RNF150: variants seen among roughly 807,000 people sequenced by gnomAD.
RNF150 encodes the protein ring finger protein 150.
A neutral mutation model predicts 39.3 loss-of-function variants in RNF150; 24 were observed. The ratio of observed to expected loss-of-function variants is 0.61; its 90% CI spans 0.44 to 0.86. RNF150 has a LOEUF of 0.86. Among genes scored for constraint, RNF150 ranks in the 40% least tolerant of loss-of-function variants. The pLI, the probability that RNF150 is intolerant of heterozygous loss-of-function variation, is 0.00. For synonymous variants in RNF150, 255 were observed against 227.3 expected (o/e 1.12, Z -1.10); for missense variants, 502 against 587.8 (o/e 0.85, Z 1.51).
chr4:141,144,848 A>G (rs1469708670), intron 1 of RNF150, among the ~76,000 whole-genome samples: 1 of 152,144 alleles, frequency 6.6e-6, no homozygotes, highest in Non-Finnish European at 1.5e-5. Flanking sequence ...TAAACGTAGA[A>G]GGAAGGAAGG....
intron 1 of RNF150, among the ~76,000 whole-genome samples, chr4:141,052,193 A>G (rs547997260): frequency 6.6e-6 from 1 of 152,250 alleles, no homozygotes; most frequent in African/African-American, 2.4e-5. Context: ...AGGAGTTACA[A>G]TTCAAGACGA....
At chr4:141,151,036 A>G (rs75523079) in intron 1 of RNF150, among the ~76,000 whole-genome samples, 5,096 of 152,058 alleles carry the variant, frequency 0.034, 301 homozygotes, top group African/African-American at 0.11. Context: ...GGCTCAAGTG[A>G]TTTAGCGCTT....
At chr4:140,870,998 C>CTA (rs1000773008) in intron 6 of RNF150, among the ~76,000 whole-genome samples, 5 of 143,606 alleles carry the variant, frequency 3.5e-5, no homozygotes, top group African/African-American at 1.3e-4. Context: ...CTCTCTCTCT[C>CTA]TCTCTATATA....
At chr4:141,021,263 C>G (rs535825673) in intron 1 of RNF150, among the ~76,000 whole-genome samples, 1 of 152,150 alleles carries the variant, frequency 6.6e-6, no homozygotes, top group African/African-American at 2.4e-5. Flanking sequence ...AAAAATAGGA[C>G]AATGCAAAGA....
intron 6 of RNF150, among the ~76,000 whole-genome samples, chr4:140,872,206 T>C (rs1305607874): frequency 1.3e-5 from 2 of 152,228 alleles, no homozygotes; most frequent in African/African-American, 4.8e-5. Flanking sequence ...CTGTAGGTGG[T>C]ACTAATTGGG....
In RNF150 at chr4:141,161,716, G is replaced by A. The variant is rs1417043677; in HGVS notation, c.-6+51078C>T. ...AGCCTTAGGACACTGTTCCTTGCAT[G>A]CTAGCTGCTCCATCTCTAGCTGTGG... On this transcript the variant is annotated intron_variant, in intron 1 of 7. Coordinates refer to the RNF150 transcript ENST00000420921. Among the ~76,000 whole-genome samples the A allele has an allele frequency of 3.3e-5, 5 of 152,336 alleles. No homozygotes were observed. The East Asian group carries it at 9.6e-4, about 29-fold the overall frequency.
chr4:141,132,298 C>G lies in RNF150; in HGVS notation c.484+27G>C. The G allele has an allele frequency of 6.4e-7, 1 of 1,557,030 alleles. No homozygotes were observed. Among genetic ancestry groups the G allele is most frequent in the Non-Finnish European group, 8.7e-7 (1 of 1,149,974 alleles). Reference sequence around the variant, plus strand: ...GGCACCTCCGTCCCCGCCGGCTCCCCTCCCCCGCGCCCGCTGGGCCACTCA... The same window carrying G: ...GGCACCTCCGTCCCCGCCGGCTCCCGTCCCCCGCGCCCGCTGGGCCACTCA... On this transcript the variant is annotated intron_variant, in intron 1 of 6. Coordinates refer to ENST00000515673, the MANE Select transcript of RNF150 (RefSeq NM_020724.2). This position sits in a 1 kb window ranked among gnomAD's most constrained non-coding sequence, Gnocchi z 4.9.
At chr4:141,106,108 T>A (rs1739188525) in intron 1 of RNF150, among the ~76,000 whole-genome samples, 1 of 152,202 alleles carries the variant, frequency 6.6e-6, no homozygotes. Context: ...ACTTCTCTGA[T>A]AACTGCTTAT....
At chr4:141,014,197 C>T (rs1323377058) in intron 1 of RNF150, among the ~76,000 whole-genome samples, 2 of 152,156 alleles carry the variant, frequency 1.3e-5, no homozygotes, top group African/African-American at 2.4e-5. Context: ...GAAAAGTATG[C>T]CATTATGTAC....
chr4:141,179,686 G>A (rs1038275520), intron 1 of RNF150, among the ~76,000 whole-genome samples: 1 of 152,172 alleles, frequency 6.6e-6, no homozygotes, highest in Non-Finnish European at 1.5e-5. Flanking sequence ...CTCTAGATAA[G>A]CAATAGATAT....
chr4:140,988,819 A>G (rs1280192201), intron 1 of RNF150, among the ~76,000 whole-genome samples: 1 of 152,182 alleles, frequency 6.6e-6, no homozygotes, highest in Non-Finnish European at 1.5e-5. Context: ...AATACTATGC[A>G]GCCATAAAAA....
intron 4 of RNF150, among the ~76,000 whole-genome samples, chr4:140,934,692 C>T (rs890746192): frequency 2.0e-5 from 3 of 151,810 alleles, no homozygotes; most frequent in Non-Finnish European, 4.4e-5. Context: ...GATTTTTAGC[C>T]AAAACCATAT....
intron 1 of RNF150, among the ~76,000 whole-genome samples, chr4:141,012,646 G>A (rs559459975): frequency 6.6e-6 from 1 of 151,778 alleles, no homozygotes. Context: ...AGCCGGGAGT[G>A]GTGGCACGTG....
chr4:141,051,922 G>T (rs1578672770), intron 1 of RNF150, among the ~76,000 whole-genome samples: 1 of 152,102 alleles, frequency 6.6e-6, no homozygotes, highest in South Asian at 2.1e-4. Context: ...CATACCTGAG[G>T]CTGGGAAGAA....
rs1736262438 is a variant in RNF150, at chr4:141,039,165, AT to A, written c.485-71293del. On this transcript the variant is annotated intron_variant, in intron 1 of 6. Coordinates refer to ENST00000515673, the MANE Select transcript of RNF150 (RefSeq NM_020724.2). ...ACCTGTGTTTGGGCTGAGAATGGGT[AT>A]TATAAGAGGGCATAAGAATTTACGA... Among the ~76,000 whole-genome samples the A allele has an allele frequency of 3.9e-5, 6 of 152,198 alleles. No individual in the cohort carries two copies. In the South Asian group the frequency reaches 1.2e-3, roughly 32 times the overall value.
intron 1 of RNF150, among the ~76,000 whole-genome samples, chr4:141,067,472 A>C (rs897772236): frequency 6.6e-6 from 1 of 152,194 alleles, no homozygotes; most frequent in Non-Finnish European, 1.5e-5. Context: ...GTGGCTGGAT[A>C]TGCCTACATA....
At chr4:141,109,819 A>G (rs908978845) in intron 1 of RNF150, among the ~76,000 whole-genome samples, 1 of 152,186 alleles carries the variant, frequency 6.6e-6, no homozygotes, top group Non-Finnish European at 1.5e-5. Context: ...CAAGGACATG[A>G]GGGGCCAAGA....
chr4:141,103,613 T>C (rs894173644), intron 1 of RNF150, among the ~76,000 whole-genome samples: 4 of 152,204 alleles, frequency 2.6e-5, no homozygotes, highest in African/African-American at 9.6e-5. Context: ...CATGTCAGCA[T>C]GTGTGAAACA....
chr4:140,947,450 CA>C lies in RNF150; in HGVS notation c.890+203del, dbSNP rs927364216. On this transcript the variant is annotated intron_variant, in intron 4 of 6. Coordinates refer to ENST00000515673, the MANE Select transcript of RNF150 (RefSeq NM_020724.2). ...CTTTGATGCAAAGGGGATAGGGGAT[CA>C]GAAAAATATTTCATGATACAGTGTT... Among the ~76,000 whole-genome samples, 2 of 152,056 alleles carry C rather than the reference CA, an allele frequency of 1.3e-5. 1 individual carries two copies. The highest frequency in any genetic ancestry group is 4.8e-5 in the African/African-American group (2 of 41,376).
Sources: gnomAD v4.1 joint callset for allele counts (sites outside exome capture counted in the v4.1 genomes callset) on GRCh38, gnomAD v4.1.1 for gene constraint, Gnocchi (gnomAD v3.1) non-coding constraint, MANE v1.5 for transcripts, NCBI Gene and HGNC (gene_info 2026-07-23, HGNC 2026-07-21) for gene names.